UBE2D2: variants seen among roughly 807,000 people sequenced by gnomAD.
UBE2D2 encodes the protein ubiquitin conjugating enzyme E2 D2, also known as ubiquitin-conjugating enzyme E2 D2.
In UBE2D2, 2 loss-of-function variants were observed where a neutral mutation model predicts 24.2. That is an observed-to-expected ratio of 0.08 (90% CI 0.03 to 0.26). The LOEUF (loss-of-function observed/expected upper bound fraction) is 0.26. Among genes scored for constraint, UBE2D2 ranks in the 10% least tolerant of loss-of-function variants. The pLI is 1.00. For synonymous variants in UBE2D2, 58 were observed against 56.5 expected, an observed-to-expected ratio of 1.03 and a Z score of -0.12; for missense variants, 44 against 177.6, an observed-to-expected ratio of 0.25 and a Z score of 4.28.
At chr5:139,626,387 T>C (rs998012476) in intron 6 of UBE2D2, among the ~76,000 whole-genome samples, 2 of 152,186 alleles carry the variant, frequency 1.3e-5, no homozygotes, top group Non-Finnish European at 2.9e-5. Flanking sequence ...GGTTTAATCA[T>C]TATTAGTATA....
intron 5 of UBE2D2, among the ~76,000 whole-genome samples, 195 bp downstream of exon 5, chr5:139,615,161 G>A (rs568831697): frequency 6.6e-6 from 1 of 152,288 alleles, no homozygotes. Flanking sequence ...TGACTAGTCT[G>A]TCAGTTGTGC....
At chr5:139,572,557 G>T (rs990630674) in intron 1 of UBE2D2, among the ~76,000 whole-genome samples, 1 of 151,782 alleles carries the variant, frequency 6.6e-6, no homozygotes, top group African/African-American at 2.4e-5. Flanking sequence ...GATCATGCCA[G>T]TGCACTCCAG....
rs977130331 is a variant in UBE2D2 at position 139,561,736 on chromosome 5, C to G, written c.-56C>G. ...GCCTCAGGCTCCCTAGCCCCTTCCC[C>G]GTCCCTTCCCCGCCCCCGTCCCCGC... On this transcript the variant is annotated 5_prime_UTR_variant, in exon 1 of 7. Coordinates refer to ENST00000398733, the MANE Select transcript of UBE2D2 (RefSeq NM_003339.3). The G allele has an allele frequency of 2.9e-6, 4 of 1,369,576 alleles. No homozygotes were observed. The East Asian group carries it at 1.1e-4, about 39-fold the overall frequency. The allele number at this position is 1,369,576 out of a possible 1,614,324, so 84.8% of individuals were successfully genotyped here.
intron 1 of UBE2D2, among the ~76,000 whole-genome samples, chr5:139,547,676 C>T (rs1011828851): frequency 1.3e-5 from 2 of 151,682 alleles, no homozygotes; most frequent in South Asian, 4.2e-4. Flanking sequence ...CCACCACACC[C>T]GGCTAATTTT....
In UBE2D2 at chr5:139,614,734, C is replaced by T; in HGVS notation, c.158C>T (p.Thr53Ile). Residue 53 changes from threonine (T) to isoleucine (I), a missense_variant, in exon 4 of 7, where the codon ACA (threonine) becomes ATA (isoleucine). By Grantham distance (89) the Thr-to-Ile change is moderately conservative. Coordinates refer to ENST00000398733, the MANE Select transcript of UBE2D2 (RefSeq NM_003339.3). ...TATCAGGGTGGAGTATTTTTCTTGA[C>T]AATTCATTTCCCAACAGATTACCCC... is the stretch of plus-strand genomic sequence containing the variant. Reference protein sequence around the residue: ...SPYQGGVFFLTIHFPTDYPFK... With the variant: ...SPYQGGVFFLIIHFPTDYPFK... 1 of 1,613,924 alleles carries T rather than the reference C, an allele frequency of 6.2e-7. No individual in the cohort carries two copies. The highest frequency in any genetic ancestry group is 8.5e-7 in the Non-Finnish European group (1 of 1,179,916).
intron 1 of UBE2D2, among the ~76,000 whole-genome samples, chr5:139,535,903 T>A (rs1424083478): frequency 1.3e-5 from 2 of 151,506 alleles, no homozygotes; most frequent in Non-Finnish European, 2.9e-5. Flanking sequence ...TTTTCTTTTC[T>A]TTTTTTTGAG....
chr5:139,531,958 C>T (rs1752603368), intron 1 of UBE2D2, among the ~76,000 whole-genome samples: 1 of 150,110 alleles, frequency 6.7e-6, no homozygotes, highest in Admixed American at 6.7e-5. Flanking sequence ...CTGCACTCCA[C>T]CCTGGGCAAC....
chr5:139,552,338 TG>T (rs1752930140), intron 1 of UBE2D2, among the ~76,000 whole-genome samples: 1 of 151,894 alleles, frequency 6.6e-6, no homozygotes, highest in Non-Finnish European at 1.5e-5. Context: ...AACTTTTTTT[TG>T]GTATTTTTAG....
intron 1 of UBE2D2, among the ~76,000 whole-genome samples, chr5:139,566,779 C>T (rs923806131): frequency 6.6e-6 from 1 of 152,052 alleles, no homozygotes; most frequent in African/African-American, 2.4e-5. Context: ...AATGCATGTG[C>T]TATCAGATGA....
chr5:139,551,051 A>G (rs1752914066), intron 1 of UBE2D2, among the ~76,000 whole-genome samples: 2 of 152,120 alleles, frequency 1.3e-5, no homozygotes, highest in Non-Finnish European at 1.5e-5. Flanking sequence ...TCCTTTTAGA[A>G]TATTTCACCG....
At chr5:139,538,510 G>A (rs1416620673) in intron 1 of UBE2D2, among the ~76,000 whole-genome samples, 1 of 152,106 alleles carries the variant, frequency 6.6e-6, no homozygotes, top group African/African-American at 2.4e-5. Context: ...AAATAAGCCA[G>A]TATTCCAAAA....
At chr5:139,572,469 G>T (rs1753369652) in intron 1 of UBE2D2, among the ~76,000 whole-genome samples, 1 of 151,976 alleles carries the variant, frequency 6.6e-6, no homozygotes, top group Admixed American at 6.6e-5. Context: ...AGTGGCATGT[G>T]CCTGTAATCC....
intron 1 of UBE2D2, among the ~76,000 whole-genome samples, chr5:139,573,957 C>T (rs898141464): frequency 2.7e-5 from 4 of 150,758 alleles, no homozygotes; most frequent in East Asian, 2.0e-4. Context: ...GGCGACAGAG[C>T]GAGACTGTCT....
At chr5:139,561,128 G>A (rs1422283645), upstream of UBE2D2, 1 of 152,594 alleles carries the variant, frequency 6.6e-6, no homozygotes, top group Non-Finnish European at 1.5e-5. Flanking sequence ...GGAGCCTGCA[G>A]AACTCGCGCT....
chr5:139,566,989 A>G (rs1330629999), intron 1 of UBE2D2, among the ~76,000 whole-genome samples: 1 of 152,156 alleles, frequency 6.6e-6, no homozygotes, highest in Non-Finnish European at 1.5e-5. Context: ...TAAAGTAACC[A>G]GGGATTGGGG....
intron 1 of UBE2D2, among the ~76,000 whole-genome samples, chr5:139,598,552 CTTTTTTTTTTTT>C (rs746165110): frequency 5.9e-4 from 62 of 104,950 alleles, no homozygotes; most frequent in Non-Finnish European, 8.0e-4. Flanking sequence ...ACTACAAAGC[CTTTTTTTTTTTT>C]TTTTTTTTTT....
Position 139,536,270 on chromosome 5 carries a change from T to C in UBE2D2, c.-64+9658T>C, listed in dbSNP as rs146404877. Among the ~76,000 whole-genome samples the C allele has an allele frequency of 9.0e-3, 1,361 of 151,458 alleles. 28 individuals carry two copies. Among genetic ancestry groups the C allele is most frequent in the African/African-American group, 0.029 (1,210 of 41,216 alleles). On this transcript the variant is annotated intron_variant, in intron 1 of 6. Coordinates refer to the UBE2D2 transcript ENST00000511725. The stretch of plus-strand genomic sequence containing the variant: ...ATGTGCCACCATGCCCAGCTAATTT[T>C]GTATTTTTAGTATAGACAGGGTTTC...
intron 1 of UBE2D2, among the ~76,000 whole-genome samples, chr5:139,551,324 G>A (rs956930004): frequency 1.4e-4 from 22 of 152,194 alleles, no homozygotes; most frequent in Admixed American, 1.2e-3. Context: ...ACTCCAGCCT[G>A]GGCAACAAGA....
intron 1 of UBE2D2, among the ~76,000 whole-genome samples, chr5:139,582,836 A>T (rs1753635192): frequency 1.3e-5 from 2 of 151,640 alleles, no homozygotes. Context: ...ACGCCCAGCT[A>T]ATTTTTTGTA....
Sources: allele counts gnomAD v4.1 joint callset (sites outside exome capture counted in the v4.1 genomes callset), GRCh38; gene constraint gnomAD v4.1.1; transcripts MANE v1.5; gene names NCBI Gene and HGNC (gene_info 2026-07-23, HGNC 2026-07-21).